The following SHC3 variants were observed in gnomAD, a reference collection of about 807,000 sequenced individuals.
SHC3 encodes SHC-transforming protein 3.
A neutral mutation model predicts 60.4 loss-of-function variants in SHC3; 15 were observed. The ratio of observed to expected loss-of-function variants is 0.25; its 90% CI spans 0.17 to 0.38. The LOEUF is 0.38. Ranked by LOEUF, SHC3 falls within the 10% of genes least tolerant of loss-of-function variation. The probability of loss-of-function intolerance (pLI) is 1.00; values close to 1 mark genes in which losing one functional copy is unlikely to be tolerated. For synonymous variants in SHC3, 294 were observed against 325.9 expected (o/e 0.90, Z 1.05); for missense variants, 677 against 786.1 (o/e 0.86, Z 1.66).
At chr9:89,057,865 T>C (rs1824981548) in intron 6 of SHC3, among the ~76,000 whole-genome samples, 1 of 152,210 alleles carries the variant, frequency 6.6e-6, no homozygotes. Flanking sequence ...TGTGGTTAAG[T>C]TAAGGATCTC....
At chr9:89,074,365 C>A (rs1049595280) in intron 4 of SHC3, among the ~76,000 whole-genome samples, 1 of 152,090 alleles carries the variant, frequency 6.6e-6, no homozygotes, top group African/African-American at 2.4e-5. Flanking sequence ...CACTCCACAC[C>A]CCCCTGGATA....
chr9:89,084,764 C>T lies in SHC3; in HGVS notation c.546-6861G>A, dbSNP rs76426721. Among the ~76,000 whole-genome samples, 1,000 of 152,296 alleles carry T rather than the reference C, an allele frequency of 6.6e-3. 7 individuals are homozygous for T. The highest frequency in any genetic ancestry group is 0.012 in the Non-Finnish European group (800 of 68,020). ...ACACTCCTCAGTTTTCCCACAATTT[C>T]GTAAATGAGCCAAGTTCTCAGGCAA... is the stretch of plus-strand genomic sequence containing the variant. On this transcript the variant is annotated intron_variant, in intron 2 of 11. Transcript: ENST00000375835.
intron 1 of SHC3, among the ~76,000 whole-genome samples, chr9:89,125,795 C>A (rs920386055): frequency 6.6e-6 from 1 of 152,076 alleles, no homozygotes; most frequent in Non-Finnish European, 1.5e-5. Flanking sequence ...AGGGAAGGAA[C>A]CCTCAGTTCC....
At chr9:89,096,567 AC>A (rs1397635458) in intron 2 of SHC3, among the ~76,000 whole-genome samples, 1 of 152,216 alleles carries the variant, frequency 6.6e-6, no homozygotes, top group Non-Finnish European at 1.5e-5. Context: ...TGCAAAATAA[AC>A]TGAAAACCCC....
At chr9:89,145,568 T>C (rs1826457066) in intron 1 of SHC3, among the ~76,000 whole-genome samples, 2 of 152,256 alleles carry the variant, frequency 1.3e-5, no homozygotes, top group Admixed American at 1.3e-4. Flanking sequence ...TAGATTCGGC[T>C]GTTCCGGTGT....
At chr9:89,026,019 G>A (rs998439518) in intron 11 of SHC3, among the ~76,000 whole-genome samples, 4 of 152,068 alleles carry the variant, frequency 2.6e-5, no homozygotes, top group South Asian at 2.1e-4. Context: ...CAAGGCAGGC[G>A]GACCACCTGA....
At chr9:89,094,794 A>C (rs1346176690) in intron 2 of SHC3, among the ~76,000 whole-genome samples, 3 of 152,160 alleles carry the variant, frequency 2.0e-5, no homozygotes, top group African/African-American at 7.2e-5. Context: ...CCCACCACTC[A>C]AGAGGAGAGC....
intron 11 of SHC3, among the ~76,000 whole-genome samples, chr9:89,035,676 G>C (rs1824559717): frequency 6.6e-6 from 1 of 151,820 alleles, no homozygotes; most frequent in Non-Finnish European, 1.5e-5. Context: ...TTGAGCCTCG[G>C]CCAGGTGTGG....
Position 89,077,827 on chromosome 9 carries a change from T to C in SHC3, c.609+13A>G, listed in dbSNP as rs372078776. 4.3e-4 allele frequency: 697 copies of C among 1,614,054 alleles called. 3 individuals carry two copies. The highest frequency in any genetic ancestry group is 5.1e-4 in the Non-Finnish European group (604 of 1,180,006). On this transcript the variant is annotated intron_variant, in intron 3 of 11. Coordinates refer to ENST00000375835, the MANE Select transcript of SHC3 (RefSeq NM_016848.6). ...AGGAGACACAGTTAGACACAGAGCA[T>C]TGAGGACAGTACCTTTCTCTTCTTG...
chr9:89,110,654 T>C (rs553225243), intron 2 of SHC3, among the ~76,000 whole-genome samples: 4 of 152,364 alleles, frequency 2.6e-5, no homozygotes, highest in East Asian at 3.9e-4. Context: ...CTGAAAATGA[T>C]GCAAGAGACA....
intron 11 of SHC3, among the ~76,000 whole-genome samples, chr9:89,035,857 G>A (rs879472731): frequency 0.48 from 50,344 of 105,742 alleles, 13,121 homozygotes; most frequent in East Asian, 0.96. Context: ...ATAGATGTGT[G>A]TGTGTGTGTG....
chr9:89,020,399 G>T lies in SHC3; in HGVS notation c.1657-6824C>A, dbSNP rs925374871. ...CATTGTGGGTGTGGGGGCCTCTGTG[G>T]TCTGTGGACAACAGCAGGTCTGACT... On this transcript the variant is annotated intron_variant, in intron 11 of 11. Transcript: ENST00000375835. Among the ~76,000 whole-genome samples, 3 of 152,128 alleles carry T rather than the reference G, an allele frequency of 2.0e-5. No homozygotes were observed. In the East Asian group the frequency reaches 5.8e-4, roughly 29 times the overall value.
At chr9:89,093,694 G>A (rs1301645899) in intron 2 of SHC3, among the ~76,000 whole-genome samples, 1 of 152,092 alleles carries the variant, frequency 6.6e-6, no homozygotes. Context: ...CTTGGGGGAG[G>A]GGTGTGTTAC....
intron 6 of SHC3, among the ~76,000 whole-genome samples, chr9:89,059,169 C>T (rs1205173735): frequency 3.3e-5 from 3 of 89,606 alleles, no homozygotes; most frequent in South Asian, 4.2e-4. Flanking sequence ...GGTGGAGGAC[C>T]GTGGTGTAGG....
intron 11 of SHC3, among the ~76,000 whole-genome samples, chr9:89,024,886 C>T (rs1826264554): frequency 1.3e-5 from 2 of 152,092 alleles, no homozygotes; most frequent in Admixed American, 6.6e-5. Flanking sequence ...TGTTCAGCAT[C>T]TGAATGCAGA....
chr9:89,114,470 T>C (rs1238940576), intron 1 of SHC3, among the ~76,000 whole-genome samples: 1 of 152,008 alleles, frequency 6.6e-6, no homozygotes, highest in Non-Finnish European at 1.5e-5. Flanking sequence ...AAATAAACAA[T>C]ATAGTAACAA....
At chr9:89,139,662 C>G (rs538959408) in intron 1 of SHC3, among the ~76,000 whole-genome samples, 33 of 152,356 alleles carry the variant, frequency 2.2e-4, no homozygotes, top group African/African-American at 7.7e-4. Context: ...TGTACAGAGA[C>G]TGCTGTAGAC....
rs144835105 is a variant in SHC3 at position 89,145,582 on chromosome 9, T to A, written c.474+32405A>T. 6.1e-3 allele frequency among the ~76,000 whole-genome samples: 933 copies of A among 152,294 alleles called. 9 individuals are homozygous for A. The highest frequency in any genetic ancestry group is 0.021 in the African/African-American group (876 of 41,550). On this transcript the variant is annotated intron_variant, in intron 1 of 11. Coordinates refer to ENST00000375835, the MANE Select transcript of SHC3 (RefSeq NM_016848.6). ...ATAGATTCGGCTGTTCCGGTGTCCA[T>A]CAAATACAAAGTACAGAAGTAAGAA...
intron 2 of SHC3, among the ~76,000 whole-genome samples, chr9:89,111,078 T>A (rs1825940680): frequency 6.6e-6 from 1 of 152,106 alleles, no homozygotes; most frequent in South Asian, 2.1e-4. Context: ...TCTCCAACAC[T>A]GAGAGGCCTA....
Sources: allele counts gnomAD v4.1 joint callset (sites outside exome capture counted in the v4.1 genomes callset), GRCh38; gene constraint gnomAD v4.1.1; transcripts MANE v1.5; gene names NCBI Gene and HGNC (gene_info 2026-07-23, HGNC 2026-07-21).